The following PCDHGA8 variants were observed in gnomAD, a reference collection of about 807,000 sequenced individuals.
The protein encoded by PCDHGA8 is protocadherin gamma subfamily A, 8, also known as protocadherin gamma-A8.
A neutral mutation model predicts 59.2 loss-of-function variants in PCDHGA8; 45 were observed. The observed-to-expected ratio is 0.76, with a 90% CI of 0.60 to 0.98. The LOEUF (loss-of-function observed/expected upper bound fraction) is 0.98, where lower values mean the gene tolerates loss of function less well. PCDHGA8 is among the 50% of genes least tolerant of loss of function. The pLI, the probability that PCDHGA8 is intolerant of heterozygous loss-of-function variation, is 0.00. For missense variants in PCDHGA8, 1,257 were observed against 1,196.2 expected (o/e 1.05, Z -0.75); for synonymous variants, 531 against 519.0 (o/e 1.02, Z -0.32).
intron 1 of PCDHGA8, chr5:141,421,623 C>T: frequency 6.2e-7 from 1 of 1,613,810 alleles, no homozygotes. Flanking sequence ...ATAACGCCCC[C>T]AGCTTCCAGG....
At chr5:141,462,833 A>G (rs1488609568) in intron 1 of PCDHGA8, among the ~76,000 whole-genome samples, 1 of 152,082 alleles carries the variant, frequency 6.6e-6, no homozygotes, top group Non-Finnish European at 1.5e-5. Flanking sequence ...GACATTGTAA[A>G]TGTTATATTT....
intron 1 of PCDHGA8, chr5:141,427,525 CG>C (rs996050026): frequency 4.9e-6 from 3 of 612,098 alleles, no homozygotes; most frequent in Non-Finnish European, 9.2e-6. Flanking sequence ...GAGCGGATCC[CG>C]GAGTACAACG....
chr5:141,462,262 A>G (rs2099035971), intron 1 of PCDHGA8, among the ~76,000 whole-genome samples: 1 of 152,192 alleles, frequency 6.6e-6, no homozygotes, highest in African/African-American at 2.4e-5. Flanking sequence ...GACCAGCCTA[A>G]AGTGTATTGT....
At chr5:141,478,816 A>G in intron 1 of PCDHGA8, 1 of 1,450,826 alleles carries the variant, frequency 6.9e-7, no homozygotes, top group Non-Finnish European at 9.1e-7. Context: ...TATCACAACT[A>G]ACCAATCTTG....
Position 141,427,133 on chromosome 5 carries a change from A to AGAT in PCDHGA8, c.2424+31900_2424+31902dup, listed in dbSNP as rs370316028. 2.9e-4 allele frequency: 134 copies of AGAT among 457,190 alleles called. 1 individual carries two copies. The highest frequency in any genetic ancestry group is 2.4e-3 in the African/African-American group (123 of 50,216). The allele number at this position is 457,190 out of a possible 1,614,324, so 28.3% of individuals were successfully genotyped here. On this transcript the variant is annotated intron_variant, in intron 1 of 3. Transcript: ENST00000398604. ...TCACCTACTCTTTCAAATCCCTACG[A>AGAT]GATGATATTGGAAATATGTTTGTGC...
chr5:141,399,012 A>G (rs767195686), intron 1 of PCDHGA8: 7 of 1,613,946 alleles, frequency 4.3e-6, no homozygotes, highest in Admixed American at 3.3e-5. Context: ...CAAAGAGCGG[A>G]GAAATTACCA....
intron 1 of PCDHGA8, among the ~76,000 whole-genome samples, chr5:141,434,195 T>C (rs1561872734): frequency 6.6e-6 from 1 of 151,916 alleles, no homozygotes; most frequent in Non-Finnish European, 1.5e-5. Flanking sequence ...AATTCCAATG[T>C]ACTTACTTCT....
At chr5:141,418,326 C>T (rs1398536611) in intron 1 of PCDHGA8, 2 of 1,613,986 alleles carry the variant, frequency 1.2e-6, no homozygotes, top group Non-Finnish European at 1.7e-6. Context: ...ATTCTTGAGT[C>T]TGCAGAAGAT....
At chr5:141,453,969 A>T (rs543979166) in intron 1 of PCDHGA8, among the ~76,000 whole-genome samples, 13 of 152,356 alleles carry the variant, frequency 8.5e-5, no homozygotes, top group South Asian at 2.1e-4. Flanking sequence ...CAAAGCATGT[A>T]GTTGTGTTGC....
At chr5:141,405,543 C>T (rs1027086926) in intron 1 of PCDHGA8, 27 of 634,834 alleles carry the variant, frequency 4.3e-5, no homozygotes, top group Non-Finnish European at 7.1e-5. Flanking sequence ...CCTCAGCCTC[C>T]CAAGTAGAGT....
chr5:141,420,769 C>T (rs2096524721), intron 1 of PCDHGA8, among the ~76,000 whole-genome samples: 1 of 152,212 alleles, frequency 6.6e-6, no homozygotes, highest in Admixed American at 6.5e-5. Flanking sequence ...AAGTTTTCAG[C>T]TCCAGTAATA....
intron 2 of PCDHGA8, among the ~76,000 whole-genome samples, chr5:141,502,865 T>C (rs538731947): frequency 3.0e-5 from 4 of 131,428 alleles, no homozygotes; most frequent in Non-Finnish European, 6.3e-5. Context: ...TGACTCTCTG[T>C]CTTTTTTTTT....
In PCDHGA8 at chr5:141,431,457, T is replaced by C; in HGVS notation, c.2424+36220T>C. ...ACCGCGCGCATCCGCGTGATGGTTC[T>C]GGATGCGAACGACAACGCACCAGCG... On this transcript the variant is annotated intron_variant, in intron 1 of 3. Transcript: ENST00000398604. This position sits in a 1 kb window ranked among gnomAD's most constrained non-coding sequence, Gnocchi z 4.8. 6.2e-7 allele frequency: 1 copy of C among 1,613,818 alleles called. No homozygotes were observed. Among genetic ancestry groups the C allele is most frequent in the South Asian group, 1.1e-5 (1 of 91,088 alleles).
At chr5:141,410,351 C>G in intron 1 of PCDHGA8, 1 of 1,614,066 alleles carries the variant, frequency 6.2e-7, no homozygotes. Flanking sequence ...GCGCCTGCGA[C>G]GCTCTCTCAG....
intron 1 of PCDHGA8, chr5:141,415,493 T>C (rs1312874620): frequency 6.2e-7 from 1 of 1,614,108 alleles, no homozygotes; most frequent in Non-Finnish European, 8.5e-7. Context: ...AGTCACCTGA[T>C]CTTCCCCCAG....
At chr5:141,507,842 C>CT (rs2099864170) in intron 3 of PCDHGA8, among the ~76,000 whole-genome samples, 1 of 152,230 alleles carries the variant, frequency 6.6e-6, no homozygotes, top group Admixed American at 6.5e-5. Flanking sequence ...GGGTCAGGCC[C>CT]TGCTCTCACT....
chr5:141,412,301 T>C (rs925243467), intron 1 of PCDHGA8: 3 of 152,260 alleles, frequency 2.0e-5, no homozygotes, highest in Non-Finnish European at 2.9e-5. Context: ...TCTTTTCTCA[T>C]TACAATGCAA....
Position 141,490,254 on chromosome 5 carries a change from G to A in PCDHGA8, c.2425-4553G>A. The A allele has an allele frequency of 6.2e-7, 1 of 1,614,236 alleles. No homozygotes were observed. Among genetic ancestry groups the A allele is most frequent in the Non-Finnish European group, 8.5e-7 (1 of 1,180,038 alleles). ...TGGAGGGCCACTGTGTGATTCAAGT[G>A]GATGTGGGGGATGTCAATGACAATG... On this transcript the variant is annotated intron_variant, in intron 1 of 3. Coordinates refer to ENST00000398604, the MANE Select transcript of PCDHGA8 (RefSeq NM_032088.2). The surrounding 1 kb of genome is among the most constrained non-coding windows in gnomAD (Gnocchi z 5.4).
chr5:141,410,458 T>C (rs776990737), intron 1 of PCDHGA8: 9 of 1,613,922 alleles, frequency 5.6e-6, no homozygotes, highest in Middle Eastern at 3.3e-4. Context: ...CTTATTCTTA[T>C]AATCTGTGCA....
Sources: allele counts gnomAD v4.1 joint callset (sites outside exome capture counted in the v4.1 genomes callset), GRCh38; gene constraint gnomAD v4.1.1; non-coding constraint Gnocchi (gnomAD v3.1); transcripts MANE v1.5; gene names NCBI Gene and HGNC (gene_info 2026-07-23, HGNC 2026-07-21).